AUTS2: variants seen among roughly 807,000 people sequenced by gnomAD.
The protein encoded by AUTS2 is activator of transcription and developmental regulator AUTS2.
A neutral mutation model predicts 112.4 loss-of-function variants in AUTS2; 17 were observed. The observed-to-expected ratio is 0.15, with a 90% CI of 0.10 to 0.23. AUTS2 has a LOEUF of 0.23. Ranked by LOEUF, AUTS2 falls within the 10% of genes least tolerant of loss-of-function variation. AUTS2 has a pLI of 1.00. For synonymous variants in AUTS2, 751 were observed against 702.7 expected (o/e 1.07, Z -1.09); for missense variants, 1,510 against 1,701.6 (o/e 0.89, Z 1.98).
chr7:69,840,849 A>G (rs1791946597), intron 1 of AUTS2, among the ~76,000 whole-genome samples: 1 of 152,206 alleles, frequency 6.6e-6, no homozygotes, highest in African/African-American at 2.4e-5. Flanking sequence ...GGATGCTACC[A>G]AATAAAATAT....
At chr7:70,460,906 A>G (rs1436746245) in intron 5 of AUTS2, among the ~76,000 whole-genome samples, 1 of 152,100 alleles carries the variant, frequency 6.6e-6, no homozygotes, top group East Asian at 1.9e-4. Flanking sequence ...TCACAGACAC[A>G]TGGAATGGGA....
chr7:70,137,798 A>G (rs903434090), intron 4 of AUTS2, among the ~76,000 whole-genome samples: 1 of 152,190 alleles, frequency 6.6e-6, no homozygotes, highest in Admixed American at 6.5e-5. Flanking sequence ...GTGATGGAGC[A>G]AAGTTGGTCT....
intron 4 of AUTS2, among the ~76,000 whole-genome samples, chr7:70,348,362 A>G (rs2129622096): frequency 6.6e-6 from 1 of 152,356 alleles, no homozygotes; most frequent in South Asian, 2.1e-4. Flanking sequence ...CAATTAAGAA[A>G]AAATAAAAGA....
At chr7:70,471,659 A>G (rs932722560) in intron 5 of AUTS2, among the ~76,000 whole-genome samples, 1 of 152,072 alleles carries the variant, frequency 6.6e-6, no homozygotes, top group African/African-American at 2.4e-5. Flanking sequence ...ACGTTTAAGT[A>G]TGTAGACTAA....
intron 5 of AUTS2, among the ~76,000 whole-genome samples, chr7:70,529,974 C>T (rs1483226998): frequency 1.3e-5 from 2 of 152,202 alleles, no homozygotes; most frequent in African/African-American, 4.8e-5. Flanking sequence ...TGCAGTTTCA[C>T]TGTTGGAACA....
intron 1 of AUTS2, among the ~76,000 whole-genome samples, chr7:69,897,177 T>A (rs1794784372): frequency 6.6e-6 from 1 of 152,194 alleles, no homozygotes; most frequent in Non-Finnish European, 1.5e-5. Flanking sequence ...AAGGTCTCCC[T>A]GAGTGGGCAA....
chr7:70,001,867 C>T (rs1407774950), intron 2 of AUTS2, among the ~76,000 whole-genome samples: 3 of 151,960 alleles, frequency 2.0e-5, no homozygotes, highest in African/African-American at 7.3e-5. Flanking sequence ...CGCACCACCA[C>T]GCCTGGCTAA....
chr7:70,501,621 G>A (rs1216405393), intron 5 of AUTS2, among the ~76,000 whole-genome samples: 1 of 152,056 alleles, frequency 6.6e-6, no homozygotes, highest in African/African-American at 2.4e-5. Flanking sequence ...GGTAGGGGTG[G>A]TGGTGTTGCC....
chr7:70,250,942 G>A (rs1302048970), intron 4 of AUTS2, among the ~76,000 whole-genome samples: 1 of 152,010 alleles, frequency 6.6e-6, no homozygotes, highest in Admixed American at 6.6e-5. Flanking sequence ...AAAATTATCT[G>A]TACACCAAAC....
intron 5 of AUTS2, among the ~76,000 whole-genome samples, chr7:70,619,562 AT>A (rs1804559101): frequency 9.5e-6 from 1 of 105,436 alleles, no homozygotes; most frequent in Admixed American, 8.5e-5. Flanking sequence ...TGGTCAAGGT[AT>A]TAAAAAAAAA....
At chr7:70,349,670 C>G (rs1477820326) in intron 4 of AUTS2, among the ~76,000 whole-genome samples, 1 of 146,072 alleles carries the variant, frequency 6.8e-6, no homozygotes, top group South Asian at 2.2e-4. Flanking sequence ...TTTTTTTTTT[C>G]TTCACATGGT....
In AUTS2 at chr7:70,630,144, G is replaced by C. The variant is rs1805181387; in HGVS notation, c.691-68425G>C. 3.3e-5 allele frequency among the ~76,000 whole-genome samples: 5 copies of C among 152,296 alleles called. No individual in the cohort carries two copies. The South Asian group carries it at 1.0e-3, about 32-fold the overall frequency. The stretch of plus-strand genomic sequence containing the variant: ...GGGGCTCGGAAAGGCGGCCTCCTCT[G>C]CGTGTGCCAGGAGAGCTCTATATTG... On this transcript the variant is annotated intron_variant, in intron 5 of 18. Coordinates refer to ENST00000342771, the MANE Select transcript of AUTS2 (RefSeq NM_015570.4).
chr7:69,975,310 A>G (rs1019240686), intron 2 of AUTS2, among the ~76,000 whole-genome samples: 33 of 151,970 alleles, frequency 2.2e-4, no homozygotes, highest in African/African-American at 7.5e-4. Context: ...AGCAAAGTTT[A>G]ACTATGATGT....
At chr7:70,665,360 C>T (rs1416977016) in intron 5 of AUTS2, among the ~76,000 whole-genome samples, 1 of 152,024 alleles carries the variant, frequency 6.6e-6, no homozygotes, top group Non-Finnish European at 1.5e-5. Context: ...ACCTCCTGGG[C>T]GTAAGTGATC....
At chr7:70,191,129 A>G (rs533656145) in intron 4 of AUTS2, among the ~76,000 whole-genome samples, 4 of 149,070 alleles carry the variant, frequency 2.7e-5, no homozygotes, top group Admixed American at 2.0e-4. Flanking sequence ...GACAGCTTAC[A>G]TATGATGCTT....
chr7:70,563,516 T>G (rs1254230351), intron 5 of AUTS2, among the ~76,000 whole-genome samples: 1 of 152,232 alleles, frequency 6.6e-6, no homozygotes, highest in Non-Finnish European at 1.5e-5. Context: ...CGGATTCTGT[T>G]TCTCACTTCA....
chr7:70,187,868 C>T (rs976857098), intron 4 of AUTS2, among the ~76,000 whole-genome samples: 23 of 145,508 alleles, frequency 1.6e-4, no homozygotes, highest in African/African-American at 5.9e-4. Flanking sequence ...TGCCAGGTAG[C>T]TGGAAGACAT....
intron 1 of AUTS2, among the ~76,000 whole-genome samples, chr7:69,754,155 C>T (rs1187279198): frequency 1.3e-5 from 2 of 152,122 alleles, no homozygotes; most frequent in African/African-American, 2.4e-5. Context: ...TAAAGAAGGT[C>T]GGGTTACCAA....
intron 4 of AUTS2, among the ~76,000 whole-genome samples, chr7:70,236,979 A>G (rs7790934): frequency 0.33 from 49,754 of 152,086 alleles, 8,833 homozygotes; most frequent in African/African-American, 0.47. Context: ...AGTAAGCTCA[A>G]TACAATTATT....
Sources: allele counts gnomAD v4.1 joint callset (sites outside exome capture counted in the v4.1 genomes callset), GRCh38; gene constraint gnomAD v4.1.1; transcripts MANE v1.5; gene names NCBI Gene and HGNC (gene_info 2026-07-23, HGNC 2026-07-21).